Variants in RBFOX1 observed in about 807,000 individuals in gnomAD.
RBFOX1 encodes the protein RNA binding fox-1 homolog 1.
Under a neutral mutation model 57.7 loss-of-function variants are expected in RBFOX1, and 8 were observed. The observed-to-expected ratio is 0.14, with a 90% confidence interval of 0.08 to 0.25. The LOEUF is 0.25. Among genes scored for constraint, RBFOX1 ranks in the 10% least tolerant of loss-of-function variants. The pLI is 1.00. For missense variants in RBFOX1, 611 were observed against 548.5 expected, an observed-to-expected ratio of 1.11 and a Z score of -1.14; for synonymous variants, 326 against 222.4, an observed-to-expected ratio of 1.47 and a Z score of -4.15.
intron 4 of RBFOX1, among the ~76,000 whole-genome samples, chr16:7,235,747 G>C (rs1394873828): frequency 6.6e-6 from 1 of 152,158 alleles, no homozygotes; most frequent in African/African-American, 2.4e-5. Context: ...ATTAAGGGTT[G>C]ACCAAAAATT....
chr16:7,518,620 G>T (rs75096072), intron 5 of RBFOX1, among the ~76,000 whole-genome samples: 10 of 152,234 alleles, frequency 6.6e-5, no homozygotes, highest in Admixed American at 1.3e-4. Context: ...TTGTAAAGGG[G>T]CACATTTATC....
At position 7,237,760 on chromosome 16, in the gene RBFOX1, C is replaced by G. The variant is rs1178991522; in HGVS notation, c.27+185662C>G. ...GTGGCTCTAGCCTGCAATCCCAACA[C>G]TTTGGGAGGGTGAGGCGGACAGATC... is the stretch of plus-strand genomic sequence containing the variant. On this transcript the variant is annotated intron_variant, in intron 4 of 15. Transcript: ENST00000550418. Among the ~76,000 whole-genome samples the G allele has an allele frequency of 2.0e-5, 3 of 152,328 alleles. No individual in the cohort carries two copies. The South Asian group carries it at 6.2e-4, about 32-fold the overall frequency.
intron 1 of RBFOX1, among the ~76,000 whole-genome samples, chr16:5,411,754 G>T (rs1000672926): frequency 1.3e-5 from 2 of 151,930 alleles, no homozygotes; most frequent in African/African-American, 4.8e-5. Context: ...AAATTAGTCA[G>T]GCATGGTGGT....
intron 3 of RBFOX1, among the ~76,000 whole-genome samples, chr16:6,982,001 C>A (rs1324377596): frequency 6.6e-6 from 1 of 152,150 alleles, no homozygotes; most frequent in Admixed American, 6.5e-5. Context: ...GTGTGTAATA[C>A]AATTTCTTTG....
chr16:6,763,936 A>G (rs1034465329), intron 3 of RBFOX1, among the ~76,000 whole-genome samples: 3 of 152,296 alleles, frequency 2.0e-5, no homozygotes, highest in East Asian at 1.9e-4. Context: ...ATGGTTCCCA[A>G]TATTAATGAG....
chr16:7,126,056 A>G (rs1035181882), intron 4 of RBFOX1, among the ~76,000 whole-genome samples: 3 of 152,140 alleles, frequency 2.0e-5, no homozygotes, highest in Admixed American at 6.5e-5. Context: ...GCACTGCAGC[A>G]TGGGCGACAG....
intron 3 of RBFOX1, among the ~76,000 whole-genome samples, chr16:5,727,503 T>C (rs935788369): frequency 5.3e-5 from 8 of 152,244 alleles, no homozygotes; most frequent in African/African-American, 1.7e-4. Flanking sequence ...TGTGTATATC[T>C]ACTCTCTTTG....
chr16:5,549,722 G>A (rs1229615133), intron 2 of RBFOX1, among the ~76,000 whole-genome samples: 1 of 152,176 alleles, frequency 6.6e-6, no homozygotes, highest in Non-Finnish European at 1.5e-5. Context: ...ACATTAAGTG[G>A]TTAAGAAATG....
intron 2 of RBFOX1, among the ~76,000 whole-genome samples, chr16:6,424,593 A>T (rs1345450706): frequency 1.6e-5 from 1 of 62,726 alleles, no homozygotes; most frequent in Admixed American, 1.7e-4. Flanking sequence ...ACCCTAGTAC[A>T]TCTTAAGAGC....
chr16:6,150,201 G>A (rs2152722502), intron 1 of RBFOX1, among the ~76,000 whole-genome samples: 1 of 152,324 alleles, frequency 6.6e-6, no homozygotes, highest in Middle Eastern at 3.4e-3. Context: ...TGAGACCAGA[G>A]AGGGTTGAAG....
rs71406388 is a variant in RBFOX1 at position 6,655,373 on chromosome 16, C to CAAAAAAAAAAAAAAAAAAA, written c.-16+735_-16+753dup. ...TGAGTGACAAAATAAGCCTCCGTTT[C>CAAAAAAAAAAAAAAAAAAA]AAAAAAAAAAAAAAAAAAAAAAAAA... On this transcript the variant is annotated intron_variant, in intron 3 of 15. Coordinates refer to ENST00000550418, the MANE Select transcript of RBFOX1 (RefSeq NM_018723.4). Among the ~76,000 whole-genome samples, 61 of 33,734 alleles carry CAAAAAAAAAAAAAAAAAAA rather than the reference C, an allele frequency of 1.8e-3. 18 individuals carry two copies. Among genetic ancestry groups the CAAAAAAAAAAAAAAAAAAA allele is most frequent in the Non-Finnish European group, 2.4e-3 (43 of 17,624 alleles). The allele number at this position is 33,734 out of a possible 152,430, so 22.1% of individuals were successfully genotyped here. A position where few individuals can be genotyped will look rare whatever the true frequency, so the allele number is the denominator to read the frequency against.
In RBFOX1 at chr16:5,685,375, A is replaced by T. The variant is rs996978483; in HGVS notation, c.318+86414A>T. On this transcript the variant is annotated intron_variant, in intron 3 of 19. Transcript: ENST00000641259. ...TTGTCATGGAGGGGCTCTTATGAGT[A>T]GATTCATCTTCCAAACAACATTATT... is the stretch of plus-strand genomic sequence containing the variant. 3.0e-4 allele frequency among the ~76,000 whole-genome samples: 45 copies of T among 152,184 alleles called. 1 individual carries two copies. The highest frequency in any genetic ancestry group is 1.1e-3 in the Admixed American group (17 of 15,274).
chr16:7,280,906 T>G (rs1203155749), intron 4 of RBFOX1, among the ~76,000 whole-genome samples: 1 of 151,356 alleles, frequency 6.6e-6, no homozygotes, highest in African/African-American at 2.4e-5. Flanking sequence ...GGGTACATAA[T>G]GGCAGCTACT....
intron 4 of RBFOX1, among the ~76,000 whole-genome samples, chr16:7,470,041 CAT>C (rs1491174922): frequency 6.8e-6 from 1 of 147,690 alleles, no homozygotes; most frequent in Admixed American, 6.7e-5. Context: ...TCACTTTTAA[CAT>C]TGCATAATAT....
At chr16:7,250,766 T>C (rs868213156) in intron 4 of RBFOX1, among the ~76,000 whole-genome samples, 1 of 152,230 alleles carries the variant, frequency 6.6e-6, no homozygotes, top group African/African-American at 2.4e-5. Context: ...ATGACCTTTA[T>C]GTCATTCTAC....
intron 3 of RBFOX1, among the ~76,000 whole-genome samples, chr16:5,691,109 T>C (rs1175101983): frequency 6.6e-6 from 1 of 152,236 alleles, no homozygotes; most frequent in East Asian, 1.9e-4. Flanking sequence ...CCAATAGGTC[T>C]AATTATTTGG....
At chr16:5,256,722 G>A (rs2062598559) in intron 1 of RBFOX1, among the ~76,000 whole-genome samples, 1 of 151,986 alleles carries the variant, frequency 6.6e-6, no homozygotes. Flanking sequence ...ATCACTTGAG[G>A]CCAGGAGTTC....
intron 4 of RBFOX1, among the ~76,000 whole-genome samples, chr16:7,496,130 C>G (rs1053161844): frequency 1.3e-5 from 2 of 152,040 alleles, no homozygotes; most frequent in African/African-American, 2.4e-5. Context: ...CATCAGTTTC[C>G]TCACCTTTTT....
At chr16:6,534,020 C>G (rs1351995378) in intron 2 of RBFOX1, among the ~76,000 whole-genome samples, 3 of 152,030 alleles carry the variant, frequency 2.0e-5, no homozygotes, top group African/African-American at 4.8e-5. Flanking sequence ...CATACATACA[C>G]AAAGAGCTGT....
Sources: gnomAD v4.1 joint callset for allele counts (sites outside exome capture counted in the v4.1 genomes callset) on GRCh38, gnomAD v4.1.1 for gene constraint, MANE v1.5 for transcripts, NCBI Gene and HGNC (gene_info 2026-07-23, HGNC 2026-07-21) for gene names.